The following NECTIN4 variants were observed in gnomAD, a reference collection of about 807,000 sequenced individuals.
NECTIN4 encodes the protein nectin cell adhesion molecule 4, also known as nectin-4.
A neutral mutation model predicts 51.7 loss-of-function variants in NECTIN4; 19 were observed. That is an observed-to-expected ratio of 0.37 (90% CI 0.26 to 0.54). The LOEUF is 0.54. Among genes scored for constraint, NECTIN4 ranks in the 20% least tolerant of loss-of-function variants. The pLI, the probability that NECTIN4 is intolerant of heterozygous loss-of-function variation, is 0.86. For synonymous variants in NECTIN4, 283 were observed against 286.9 expected (o/e 0.99, Z 0.14); for missense variants, 619 against 662.4 (o/e 0.93, Z 0.72).
At chr1:161,082,561 T>A (rs1023812607) in intron 1 of NECTIN4, among the ~76,000 whole-genome samples, 1 of 151,914 alleles carries the variant, frequency 6.6e-6, no homozygotes. Flanking sequence ...AGGCAGCACA[T>A]AGAGCACAGG....
intron 6 of NECTIN4, 55 bp from the exon 7 acceptor site, chr1:161,073,850 G>A (rs1653296275): frequency 6.6e-7 from 1 of 1,523,680 alleles, no homozygotes; most frequent in African/African-American, 1.4e-5. Context: ...CTCCCAAGGT[G>A]AGCCTATCCT....
chr1:161,073,707 C>A lies in NECTIN4; in HGVS notation c.1233+13G>T. 6.2e-7 allele frequency: 1 copy of A among 1,613,294 alleles called. No homozygotes were observed. The highest frequency in any genetic ancestry group is 8.5e-7 in the Non-Finnish European group (1 of 1,179,214). On this transcript the variant is annotated intron_variant, in intron 7 of 8. Coordinates refer to ENST00000368012, the MANE Select transcript of NECTIN4 (RefSeq NM_030916.3). ...CACACCCCTGCATGCATACACCCAA[C>A]CTTGGCACACACCTGGCTCCTGGGG...
At chr1:161,079,008 T>C (rs2101665703) in intron 2 of NECTIN4, among the ~76,000 whole-genome samples, 1 of 152,088 alleles carries the variant, frequency 6.6e-6, no homozygotes, top group South Asian at 2.1e-4. Flanking sequence ...CGAGACTCTG[T>C]CTCAAAAAAT....
intron 1 of NECTIN4, among the ~76,000 whole-genome samples, chr1:161,082,371 C>T (rs1487723779): frequency 1.3e-5 from 2 of 151,938 alleles, no homozygotes; most frequent in African/African-American, 4.8e-5. Context: ...TTGGGCTGGC[C>T]AGGGAGGAAC....
At chr1:161,073,395 C>A in intron 7 of NECTIN4, 96 bp from the exon 8 acceptor site, 8 of 1,046,910 alleles carry the variant, frequency 7.6e-6, no homozygotes, top group Non-Finnish European at 1.2e-5. Context: ...TCCCTACTTG[C>A]CTGTCCCCCA....
rs1391937715 is a variant in NECTIN4, at chr1:161,072,346, T to C, written c.*315A>G. ...ACATACACCACAGTTCACTTGACTC[T>C]GATATGACAGCATAATACACACCAC... On this transcript the variant is annotated 3_prime_UTR_variant, in exon 9 of 9. Transcript: ENST00000368012. The C allele has an allele frequency of 2.2e-6, 1 of 462,754 alleles. No individual in the cohort carries two copies. The highest frequency in any genetic ancestry group is 4.0e-6 in the Non-Finnish European group (1 of 248,134). The allele number at this position is 462,754 out of a possible 1,614,324, so 28.7% of individuals were successfully genotyped here.
intron 1 of NECTIN4, among the ~76,000 whole-genome samples, chr1:161,082,810 G>C (rs1653750139): frequency 6.6e-6 from 1 of 152,126 alleles, no homozygotes; most frequent in Non-Finnish European, 1.5e-5. Flanking sequence ...AGTGAGCTTG[G>C]GTAGGGGATC....
intron 3 of NECTIN4, among the ~76,000 whole-genome samples, chr1:161,076,945 A>G (rs1653438866): frequency 6.6e-6 from 1 of 152,246 alleles, no homozygotes; most frequent in South Asian, 2.1e-4. Context: ...TGGGAAAACA[A>G]TATCTACCAT....
chr1:161,073,694 T>G, intron 7 of NECTIN4, 26 bp downstream of exon 7: 1 of 1,601,538 alleles, frequency 6.2e-7, no homozygotes. Flanking sequence ...CACCCCTGCA[T>G]GCATACACCC....
At chr1:161,077,202 AT>A (rs1364978586) in intron 3 of NECTIN4, among the ~76,000 whole-genome samples, 5 of 152,190 alleles carry the variant, frequency 3.3e-5, no homozygotes, top group Non-Finnish European at 7.4e-5. Flanking sequence ...CATGTTTCTA[AT>A]TGATTCTCCC....
intron 1 of NECTIN4, among the ~76,000 whole-genome samples, chr1:161,082,702 C>G (rs987541305): frequency 4.6e-5 from 7 of 152,054 alleles, no homozygotes; most frequent in African/African-American, 1.7e-4. Context: ...TTGGTCCCAC[C>G]CAGCCCAGCC....
In NECTIN4 at chr1:161,072,776, T is replaced by G; in HGVS notation, c.1418A>C (p.Asp473Ala). 6.2e-7 allele frequency: 1 copy of G among 1,614,234 alleles called. No individual in the cohort carries two copies. The highest frequency in any genetic ancestry group is 8.5e-7 in the Non-Finnish European group (1 of 1,180,034). Residue 473 changes from aspartate (D) to alanine (A), a missense_variant, in exon 9 of 9, where the codon GAT becomes GCT. This residue lies in a region of NECTIN4 where 364 missense variants were observed against 415.7 expected (regional missense o/e 0.88). Coordinates refer to ENST00000368012, the MANE Select transcript of NECTIN4 (RefSeq NM_030916.3). The part of the protein sequence containing the change: ...PGSGRAEEEE[D>A]QDEGIKQAMN... ...GGCCTGTTTGATGCCTTCATCCTGA[T>G]CTTCCTCCTCCTCGGCCCGCCCAGA... is the stretch of plus-strand genomic sequence containing the variant.
intron 2 of NECTIN4, among the ~76,000 whole-genome samples, chr1:161,078,848 AAAAATACAC>A (rs1653534006): frequency 1.3e-5 from 2 of 151,862 alleles, no homozygotes; most frequent in South Asian, 4.2e-4. Flanking sequence ...TGTCTCTACT[AAAAATACAC>A]AAAAATTAAC....
In NECTIN4 at chr1:161,079,676, A is replaced by G. The variant is rs1333575564; in HGVS notation, c.353T>C (p.Val118Ala). Residue 118 changes from valine (V) to alanine (A), a missense_variant, in exon 2 of 9, where the codon GTG becomes GCG. Val to Ala is a moderately conservative substitution (Grantham distance 64). Transcript: ENST00000368012. ...LDGSVLLRNA[V>A]QADEGEYECR... Reference sequence around the variant, plus strand: ...CTCGTACTCGCCCTCATCCGCCTGCACTGCGTTGCGCAGGAGCACTGAGCC... The same window carrying G: ...CTCGTACTCGCCCTCATCCGCCTGCGCTGCGTTGCGCAGGAGCACTGAGCC... 1.2e-5 allele frequency: 19 copies of G among 1,607,074 alleles called. No individual in the cohort carries two copies. Among genetic ancestry groups the G allele is most frequent in the Non-Finnish European group, 1.6e-5 (19 of 1,179,612 alleles).
rs1653605462 is a variant in NECTIN4 at position 161,079,954 on chromosome 1, A to C, written c.80-5T>G. 6.3e-7 allele frequency: 1 copy of C among 1,595,408 alleles called. No homozygotes were observed. The highest frequency in any genetic ancestry group is 8.6e-7 in the Non-Finnish European group (1 of 1,168,070). The stretch of plus-strand genomic sequence containing the variant: ...GCTCACCCGCGGGGCACCGGCCTGC[A>C]GGGGGCAGAGAGGGACAGCCACCAT... On this transcript the variant is annotated splice_polypyrimidine_tract_variant and splice_region_variant and intron_variant, in intron 1 of 8. Transcript: ENST00000368012.
intron 2 of NECTIN4, 130 bp from the exon 3 acceptor site, chr1:161,077,873 G>A (rs1234229051): frequency 2.1e-5 from 17 of 814,138 alleles, no homozygotes; most frequent in Admixed American, 8.7e-5. Flanking sequence ...TCATGGAGAC[G>A]CAGATGAATG....
At chr1:161,076,109 T>G (rs1031307153) in intron 4 of NECTIN4, among the ~76,000 whole-genome samples, 13 of 151,984 alleles carry the variant, frequency 8.6e-5, no homozygotes, top group African/African-American at 3.1e-4. Flanking sequence ...GACAAAAAAT[T>G]TAAGGGCTTA....
At chr1:161,077,215 A>G (rs761383373) in intron 3 of NECTIN4, among the ~76,000 whole-genome samples, 13 of 152,204 alleles carry the variant, frequency 8.5e-5, no homozygotes, top group Non-Finnish European at 2.9e-5. Flanking sequence ...GATTCTCCCA[A>G]CAACCCTGTG....
chr1:161,085,554 TG>T lies in NECTIN4; in HGVS notation c.79+3663del, dbSNP rs965830256. On this transcript the variant is annotated intron_variant, in intron 1 of 8. Coordinates refer to ENST00000368012, the MANE Select transcript of NECTIN4 (RefSeq NM_030916.3). ...CACACCAGATTTAGAGGGAAGGGGG[TG>T]GGGGTGGCCAGAAAACTATGAGAAA... 2.0e-5 allele frequency among the ~76,000 whole-genome samples: 3 copies of T among 151,614 alleles called. No homozygotes were observed. The South Asian group carries it at 6.3e-4, about 32-fold the overall frequency.
Sources: allele counts gnomAD v4.1 joint callset (sites outside exome capture counted in the v4.1 genomes callset), GRCh38; gene constraint gnomAD v4.1.1; regional missense constraint gnomAD v4.1.1; transcripts MANE v1.5; gene names NCBI Gene and HGNC (gene_info 2026-07-23, HGNC 2026-07-21).